MKLN1: variants seen among roughly 807,000 people sequenced by gnomAD.
MKLN1 encodes muskelin.
A neutral mutation model predicts 99.0 loss-of-function variants in MKLN1; 18 were observed. The observed-to-expected ratio is 0.18, with a 90% CI of 0.13 to 0.27. The LOEUF is 0.27. Ranked by LOEUF, MKLN1 falls within the 10% of genes least tolerant of loss-of-function variation. MKLN1 has a pLI of 1.00. For synonymous variants in MKLN1, 288 were observed against 293.2 expected (o/e 0.98, Z 0.18); for missense variants, 621 against 875.9 (o/e 0.71, Z 3.67).
At position 131,411,376 on chromosome 7, in the gene MKLN1, T is replaced by C. The variant is rs1443015753; in HGVS notation, c.774T>C (p.Ser258=). The change falls in exon 7 of 18, where the codon AGT becomes AGC. Residue 258 remains serine (S), a synonymous_variant. Transcript: ENST00000352689. ...GATGGAGTCAAATCATTCCCAAAAG[T>C]ACCAAAGGTAAGCCATACCTTCTAG... The part of the protein sequence containing the change: ...KPRWSQIIPK[S]TKGDGEDNRP... 4 of 1,603,272 alleles carry C rather than the reference T, an allele frequency of 2.5e-6. No individual in the cohort carries two copies. Among genetic ancestry groups the C allele is most frequent in the Non-Finnish European group, 1.7e-6 (2 of 1,170,190 alleles).
intron 16 of MKLN1, among the ~76,000 whole-genome samples, chr7:131,474,122 C>A (rs1796902790): frequency 6.6e-6 from 1 of 152,118 alleles, no homozygotes; most frequent in Admixed American, 6.6e-5. Flanking sequence ...AGCACTCCAG[C>A]CTGGGCAACA....
intron 3 of MKLN1, among the ~76,000 whole-genome samples, chr7:131,303,115 C>T (rs913157652): frequency 6.6e-6 from 1 of 152,198 alleles, no homozygotes; most frequent in Non-Finnish European, 1.5e-5. Flanking sequence ...AAACTAAGCA[C>T]TTATAAAGAG....
chr7:131,315,867 C>A (rs1798658283), intron 3 of MKLN1, among the ~76,000 whole-genome samples: 1 of 152,188 alleles, frequency 6.6e-6, no homozygotes, highest in South Asian at 2.1e-4. Context: ...CTGGGCAGGG[C>A]ATCTCTGAAG....
intron 2 of MKLN1, among the ~76,000 whole-genome samples, chr7:131,187,691 C>T (rs191285401): frequency 1.1e-4 from 16 of 152,190 alleles, no homozygotes; most frequent in African/African-American, 3.1e-4. Context: ...CACTTTGGGA[C>T]GCTGAGATGG....
chr7:131,443,846 T>G (rs922733497), intron 11 of MKLN1, 144 bp downstream of exon 11: 3 of 667,688 alleles, frequency 4.5e-6, no homozygotes, highest in African/African-American at 1.8e-5. Flanking sequence ...GTGAACTGTT[T>G]GCTAATTATG....
At chr7:131,209,844 C>T (rs578136614) in intron 3 of MKLN1, among the ~76,000 whole-genome samples, 10 of 152,136 alleles carry the variant, frequency 6.6e-5, no homozygotes, top group South Asian at 4.1e-4. Flanking sequence ...TGTGGCTGTC[C>T]GGAATACCAT....
chr7:131,485,436 T>C (rs138528398), intron 17 of MKLN1, among the ~76,000 whole-genome samples: 32 of 152,204 alleles, frequency 2.1e-4, no homozygotes, highest in Non-Finnish European at 4.0e-4. Context: ...GCAAGAATCA[T>C]CAATGATTGC....
chr7:131,138,932 G>A lies in MKLN1; in HGVS notation c.-418-3888G>A, dbSNP rs569818465. Among the ~76,000 whole-genome samples, 6 of 152,310 alleles carry A rather than the reference G, an allele frequency of 3.9e-5. No homozygotes were observed. In the South Asian group the frequency reaches 1.2e-3, roughly 32 times the overall value. ...TAGAAATAATGTTTCCACGAATCAA[G>A]TCATGCTGCTAGCTTTCTTACTGAT... On this transcript the variant is annotated intron_variant, in intron 1 of 7. Coordinates refer to the MKLN1 transcript ENST00000416992.
chr7:131,419,324 C>T (rs1437239144), intron 8 of MKLN1, among the ~76,000 whole-genome samples: 2 of 147,160 alleles, frequency 1.4e-5, no homozygotes, highest in Non-Finnish European at 3.0e-5. Flanking sequence ...GATCTCGGCT[C>T]ACTGCAACCT....
chr7:131,444,675 A>G (rs1795941334), intron 11 of MKLN1, among the ~76,000 whole-genome samples: 1 of 150,688 alleles, frequency 6.6e-6, no homozygotes, highest in African/African-American at 2.4e-5. Flanking sequence ...TTAGCCCCCC[A>G]AGTAGCTAAA....
intron 3 of MKLN1, among the ~76,000 whole-genome samples, chr7:131,266,597 C>G (rs750616992): frequency 6.6e-6 from 1 of 152,128 alleles, no homozygotes; most frequent in Non-Finnish European, 1.5e-5. Flanking sequence ...CCACACAGGT[C>G]TCCCTCAAGA....
chr7:131,334,705 G>A (rs749580538), intron 1 of MKLN1, among the ~76,000 whole-genome samples: 2 of 152,116 alleles, frequency 1.3e-5, no homozygotes, highest in African/African-American at 2.4e-5. Context: ...GATGTTTTAC[G>A]TGTAGATAAG....
chr7:131,213,978 T>G (rs1796942838), intron 3 of MKLN1, among the ~76,000 whole-genome samples: 1 of 152,200 alleles, frequency 6.6e-6, no homozygotes, highest in Non-Finnish European at 1.5e-5. Context: ...CTTTTATGTT[T>G]TATTTAATAA....
intron 8 of MKLN1, among the ~76,000 whole-genome samples, chr7:131,423,479 T>C (rs933715184): frequency 2.6e-5 from 4 of 152,086 alleles, no homozygotes; most frequent in African/African-American, 7.2e-5. Context: ...ATTACAGGCA[T>C]GTGCCACCAC....
At chr7:131,232,670 GA>G (rs1323124676) in intron 3 of MKLN1, among the ~76,000 whole-genome samples, 1 of 152,106 alleles carries the variant, frequency 6.6e-6, no homozygotes, top group Non-Finnish European at 1.5e-5. Flanking sequence ...TTGTTAAAAT[GA>G]AAAACTGTAC....
rs1016000799 is a variant in MKLN1, at chr7:131,444,799, T to A, written c.1396-975T>A. ...GTAGTAGTAGTAGTAGTAGTAGTAG[T>A]AGTAGTAGTAGTAGTAGTAGTAGAA... On this transcript the variant is annotated intron_variant, in intron 11 of 17. Transcript: ENST00000352689. Among the ~76,000 whole-genome samples the A allele has an allele frequency of 4.1e-5, 6 of 147,324 alleles. No individual in the cohort carries two copies. The Admixed American group carries it at 4.1e-4, about 10-fold the overall frequency.
chr7:131,351,098 A>C (rs372846750), intron 1 of MKLN1, among the ~76,000 whole-genome samples: 1 of 152,146 alleles, frequency 6.6e-6, no homozygotes, highest in African/African-American at 2.4e-5. Context: ...GAGTTCTTCC[A>C]TTAGCCAGGT....
intron 9 of MKLN1, among the ~76,000 whole-genome samples, chr7:131,436,159 G>A (rs1444388262): frequency 1.3e-5 from 2 of 152,070 alleles, no homozygotes; most frequent in Non-Finnish European, 2.9e-5. Context: ...AATAATTAGT[G>A]TGAATATTAA....
At chr7:131,248,025 A>C (rs531748729) in intron 3 of MKLN1, among the ~76,000 whole-genome samples, 2 of 152,252 alleles carry the variant, frequency 1.3e-5, no homozygotes, top group South Asian at 4.1e-4. Context: ...CAGCCTCCCA[A>C]GTAGCTGAGA....
Sources: allele counts gnomAD v4.1 joint callset (sites outside exome capture counted in the v4.1 genomes callset), GRCh38; gene constraint gnomAD v4.1.1; transcripts MANE v1.5; gene names NCBI Gene and HGNC (gene_info 2026-07-23, HGNC 2026-07-21).